The following MNX1 variants were observed in gnomAD, a reference collection of about 807,000 sequenced individuals.
The protein encoded by MNX1 is motor neuron and pancreas homeobox protein 1.
A neutral mutation model predicts 17.3 loss-of-function variants in MNX1; 2 were observed. The ratio of observed to expected loss-of-function variants is 0.12; its 90% CI spans 0.05 to 0.36. The LOEUF (loss-of-function observed/expected upper bound fraction) is 0.36, where lower values mean the gene tolerates loss of function less well. Among genes scored for constraint, MNX1 ranks in the 10% least tolerant of loss-of-function variants. The pLI, the probability that MNX1 is intolerant of heterozygous loss-of-function variation, is 1.00. For synonymous variants in MNX1, 306 were observed against 283.1 expected, an observed-to-expected ratio of 1.08 and a Z score of -0.81; for missense variants, 556 against 564.7, an observed-to-expected ratio of 0.98 and a Z score of 0.16.
intron 1 of MNX1, chr7:157,009,260 G>A (rs1168395634): frequency 4.9e-6 from 7 of 1,423,240 alleles, no homozygotes; most frequent in Non-Finnish European, 6.4e-6. Flanking sequence ...CGCCCCAGTG[G>A]GGGACCTGGC....
At chr7:157,008,671 A>C (rs1805647753) in intron 1 of MNX1, 1 of 398,524 alleles carries the variant, frequency 2.5e-6, no homozygotes, top group Non-Finnish European at 4.5e-6. Flanking sequence ...GCATCTCCCC[A>C]GTCTAAACAA....
chr7:157,009,723 G>C lies in MNX1; in HGVS notation c.628C>G (p.Leu210Val). The stretch of plus-strand genomic sequence containing the variant: ...GTGGACGCGCGCAGCCACTGGTCCA[G>C]CTGGAAGGTGCCGGCGCCCAGCTTG... ...PIKLGAGTFQ[L>V]DQWLRASTAG... Residue 210 changes from leucine (L) to valine (V), a missense_variant, in exon 1 of 3, where the codon CTG (leucine) becomes GTG (valine). This residue lies in a region of MNX1 where 210 missense variants were observed against 211.3 expected (regional missense o/e 0.99). Transcript: ENST00000252971. 2 of 1,608,256 alleles carry C rather than the reference G, an allele frequency of 1.2e-6. No individual in the cohort carries two copies. The highest frequency in any genetic ancestry group is 1.7e-6 in the Non-Finnish European group (2 of 1,178,884).
In MNX1 at chr7:157,006,822, G is replaced by T; in HGVS notation, c.692-183C>A. 1 of 574,638 alleles carries T rather than the reference G, an allele frequency of 1.7e-6. No homozygotes were observed. The highest frequency in any genetic ancestry group is 2.9e-6 in the Non-Finnish European group (1 of 339,234). The allele number at this position is 574,638 out of a possible 1,614,324, so 35.6% of individuals were successfully genotyped here. On this transcript the variant is annotated intron_variant, in intron 1 of 2. Transcript: ENST00000252971. The surrounding 1 kb of genome is among the most constrained non-coding windows in gnomAD (Gnocchi z 6.3). ...GAATGCGGACTCAGGACCACCAAGT[G>T]GAAATGGATAGTTTGGAGTTAATGA...
Position 157,009,851 on chromosome 7 carries a change from G to A in MNX1, c.500C>T (p.Ser167Phe), listed in dbSNP as rs1805675921. The change falls in exon 1 of 3, where the codon TCC (serine) becomes TTC (phenylalanine). Residue 167 changes from serine to phenylalanine, a missense_variant. Physicochemically the swap from Ser to Phe is radical, Grantham distance 155. Transcript: ENST00000252971. ...CAGCGCAGCCGCCGCCGCCGCCGCG[G>A]AGTAGCCGTAGACCGGGTGGCCGTA... The part of the protein sequence containing the change: ...ALYGHPVYGY[S>F]AAAAAAALAG... The A allele has an allele frequency of 2.0e-6, 3 of 1,510,330 alleles. No individual in the cohort carries two copies. In the African/African-American group the frequency reaches 4.3e-5, roughly 22 times the overall value. 93.6% of individuals were successfully genotyped at this position (1,510,330 alleles called of 1,614,324 possible). A position where few individuals can be genotyped will look rare whatever the true frequency, so the allele number is the denominator to read the frequency against.
chr7:157,009,478 G>C lies in MNX1; in HGVS notation c.691+182C>G. The C allele has an allele frequency of 2.1e-6, 3 of 1,433,254 alleles. No homozygotes were observed. In the South Asian group the frequency reaches 4.5e-5, roughly 22 times the overall value. 88.8% of individuals were successfully genotyped at this position (1,433,254 alleles called of 1,614,324 possible). ...CTGCGCATGGCCATTTTAATAATTCGCTGCCCGTCTCATGCCTGGGGGTCC... is the reference window on the plus strand; with the variant it reads ...CTGCGCATGGCCATTTTAATAATTCCCTGCCCGTCTCATGCCTGGGGGTCC... On this transcript the variant is annotated intron_variant, in intron 1 of 2. Coordinates refer to ENST00000252971, the MANE Select transcript of MNX1 (RefSeq NM_005515.4).
rs1156802209 is a variant in MNX1 at position 157,010,000 on chromosome 7, C to A, written c.351G>T (p.Ala117=). Residue 117 remains alanine (A), a synonymous_variant, in exon 1 of 3, where the codon GCG becomes GCT. Transcript: ENST00000252971. ...GGGHGGPHHH[A]HPGAAAAAAA... ...CGGCAGCGGCCGCTGCGCCCGGATG[C>A]GCGTGGTGGTGGGGCCCCCCGTGCC... The A allele has an allele frequency of 2.1e-6, 2 of 973,856 alleles. No homozygotes were observed. The highest frequency in any genetic ancestry group is 9.4e-5 in the South Asian group (2 of 21,326). 60.3% of individuals were successfully genotyped at this position (973,856 alleles called of 1,614,324 possible).
At chr7:157,008,987 G>A (rs1485831870) in intron 1 of MNX1, 9 of 1,536,852 alleles carry the variant, frequency 5.9e-6, no homozygotes, top group African/African-American at 4.1e-5. Flanking sequence ...CCTTGGAGGG[G>A]CATTCGTTAC....
Position 157,005,433 on chromosome 7 carries a change from C to T in MNX1, c.*87G>A, listed in dbSNP as rs1045589513. 9.1e-6 allele frequency: 9 copies of T among 987,092 alleles called. No individual in the cohort carries two copies. The highest frequency in any genetic ancestry group is 1.2e-5 in the Non-Finnish European group (9 of 780,708). The allele number at this position is 987,092 out of a possible 1,614,324, so 61.1% of individuals were successfully genotyped here. A position where few individuals can be genotyped will look rare whatever the true frequency, so the allele number is the denominator to read the frequency against. The stretch of plus-strand genomic sequence containing the variant: ...GGTCGAGCCTGCTCTCGGGGCCGGG[C>T]CGGGTGGGTGCGGGCGCCGGGGCCT... On this transcript the variant is annotated 3_prime_UTR_variant, in exon 3 of 3. Transcript: ENST00000252971.
intron 2 of MNX1, 62 bp from the exon 3 acceptor site, chr7:157,005,935 A>C: frequency 6.3e-7 from 1 of 1,591,804 alleles, no homozygotes; most frequent in East Asian, 2.2e-5. Flanking sequence ...CTGTCCCCGG[A>C]GTCCCCCGGC....
rs1329145146 is a variant in MNX1 at position 157,010,042 on chromosome 7, G to A, written c.309C>T (p.Gly103=). 1.0e-6 allele frequency: 1 copy of A among 997,624 alleles called. No homozygotes were observed. The highest frequency in any genetic ancestry group is 1.2e-6 in the Non-Finnish European group (1 of 839,878). 61.8% of individuals were successfully genotyped at this position (997,624 alleles called of 1,614,324 possible). The change falls in exon 1 of 3, where the codon GGC becomes GGT. Residue 103 remains glycine, a synonymous_variant. Transcript: ENST00000252971. ...CCCCGTGCCCGCCGCCCGTGCCGCC[G>A]CCGCCGCCGCCCGCGCCCAGGAAGC... ...KPGFLGAGGG[G]GGTGGGHGGP...
chr7:157,006,436 C>G lies in MNX1; in HGVS notation c.852+43G>C. On this transcript the variant is annotated intron_variant, in intron 2 of 2. Transcript: ENST00000252971. The surrounding 1 kb of genome is among the most constrained non-coding windows in gnomAD (Gnocchi z 6.3). ...TCACAAGTGCAAAGGTAACAGTGTC[C>G]CCTGGGAGGCCGGGATGCGTCGGGG... 1 of 1,593,518 alleles carries G rather than the reference C, an allele frequency of 6.3e-7. No individual in the cohort carries two copies. The highest frequency in any genetic ancestry group is 8.5e-7 in the Non-Finnish European group (1 of 1,172,432).
At chr7:157,005,988 CAGGGTGAGACGACTT>C (rs1805590637) in intron 2 of MNX1, 115 bp from the exon 3 acceptor site, 1 of 1,165,104 alleles carries the variant, frequency 8.6e-7, no homozygotes, top group South Asian at 1.4e-5. Context: ...GGAATGGCCT[CAGGGTGAGACGACTT>C]AGAAGCAGAA....
In MNX1 at chr7:157,009,697, G is replaced by A; in HGVS notation, c.654C>T (p.Thr218=). ...FQLDQWLRAS[T]AGMILPKMPD... ...GCATCTTAGGCAGGATCATGCCCGC[G>A]GTGGACGCGCGCAGCCACTGGTCCA... Residue 218 remains threonine (T), a synonymous_variant, in exon 1 of 3, where the codon ACC becomes ACT. Transcript: ENST00000252971. 1 of 1,608,718 alleles carries A rather than the reference G, an allele frequency of 6.2e-7. No individual in the cohort carries two copies. The highest frequency in any genetic ancestry group is 8.5e-7 in the Non-Finnish European group (1 of 1,178,974).
At chr7:157,008,969 C>T (rs775180588) in intron 1 of MNX1, 1 of 1,532,840 alleles carries the variant, frequency 6.5e-7, no homozygotes, top group South Asian at 1.2e-5. Flanking sequence ...GGGGCTCCCT[C>T]GGCCCCACCT....
rs1554594228 is a variant in MNX1, at chr7:157,009,949, A to AGTGGCG, written c.401_402insCGCCAC (p.Ala134_Gly135insAlaThr). The AGTGGCG allele has an allele frequency of 2.2e-6, 2 of 908,276 alleles. No homozygotes were observed. The highest frequency in any genetic ancestry group is 1.2e-4 in the East Asian group (1 of 8,454). 56.3% of individuals were successfully genotyped at this position (908,276 alleles called of 1,614,324 possible). A position where few individuals can be genotyped will look rare whatever the true frequency, so the allele number is the denominator to read the frequency against. Reference sequence around the variant, plus strand: ...GGTGCAGCCCCAGCGCCAGGCCCCCAGCGGCGGCGGCGGCGGCGGCGGCGG... The same window carrying AGTGGCG: ...GGTGCAGCCCCAGCGCCAGGCCCCCAGTGGCGGCGGCGGCGGCGGCGGCGGCGGCGG... On this transcript the variant is annotated inframe_insertion, in exon 1 of 3. Transcript: ENST00000252971.
rs772559723 is a variant in MNX1, at chr7:157,005,709, G to A, written c.1017C>T (p.Pro339=). ...GGCGGCGTCCGCTGCCCTTGTCTCCGGGCGCTGGCGGCCCCAGCAGCTCCT... is the reference window on the plus strand; with the variant it reads ...GGCGGCGTCCGCTGCCCTTGTCTCCAGGCGCTGGCGGCCCCAGCAGCTCCT... ...GAEELLGPPA[P]GDKGSGRRLR... Residue 339 remains proline (P), a synonymous_variant, in exon 3 of 3, where the codon CCC becomes CCT. Transcript: ENST00000252971. The A allele has an allele frequency of 5.0e-6, 8 of 1,610,002 alleles. No homozygotes were observed. The highest frequency in any genetic ancestry group is 6.8e-6 in the Non-Finnish European group (8 of 1,179,282).
At chr7:157,009,087 C>A in intron 1 of MNX1, 1 of 1,536,476 alleles carries the variant, frequency 6.5e-7, no homozygotes. Context: ...CCTCGGCCAT[C>A]GCACCCCGGA....
rs1371779016 is a variant in MNX1, at chr7:157,005,557, G to A, written c.1169C>T (p.Pro390Leu). 6.4e-6 allele frequency: 10 copies of A among 1,556,860 alleles called. No homozygotes were observed. The African/African-American group carries it at 7.1e-5, about 11-fold the overall frequency. Residue 390 changes from proline (P) to leucine (L), a missense_variant, in exon 3 of 3, where the codon CCG becomes CTG. Around this residue, in one of 7 missense-constraint regions of MNX1, gnomAD observed 178 missense variants for 155.2 expected, o/e 1.15. Coordinates refer to ENST00000252971, the MANE Select transcript of MNX1 (RefSeq NM_005515.4). ...GGGCTGGTGGCTGGGCCGCGGGGGCGGCGAGTCGTCCTCCGAGGAGCAGTC... is the reference window on the plus strand; with the variant it reads ...GGGCTGGTGGCTGGGCCGCGGGGGCAGCGAGTCGTCCTCCGAGGAGCAGTC... ...SSDCSSEDDS[P>L]PPRPSHQPAP...
Position 157,010,035 on chromosome 7 carries a change from TGCCGCC to T in MNX1, c.310_315del (p.Gly104_Gly105del), listed in dbSNP as rs757330807. Reference sequence around the variant, plus strand: ...TGGGGCCCCCCGTGCCCGCCGCCCGTGCCGCCGCCGCCGCCGCCCGCGCCCAGGAAG... The same window carrying T: ...TGGGGCCCCCCGTGCCCGCCGCCCGTGCCGCCGCCGCCCGCGCCCAGGAAG... On this transcript the variant is annotated inframe_deletion, in exon 1 of 3. Transcript: ENST00000252971. 29 of 970,726 alleles carry T rather than the reference TGCCGCC, an allele frequency of 3.0e-5. No individual in the cohort carries two copies. Among genetic ancestry groups the T allele is most frequent in the South Asian group, 4.5e-5 (1 of 22,054 alleles). The allele number at this position is 970,726 out of a possible 1,614,324, so 60.1% of individuals were successfully genotyped here.
Sources: gnomAD v4.1 joint callset for allele counts on GRCh38, gnomAD v4.1.1 for gene constraint, gnomAD v4.1.1 regional missense constraint, Gnocchi (gnomAD v3.1) non-coding constraint, MANE v1.5 for transcripts, NCBI Gene and HGNC (gene_info 2026-07-23, HGNC 2026-07-21) for gene names.